The following NRXN3 variants were observed in gnomAD, a reference collection of about 807,000 sequenced individuals.
NRXN3 encodes the protein neurexin III.
Under a neutral mutation model 137.6 loss-of-function variants are expected in NRXN3, and 32 were observed. That is an observed-to-expected ratio of 0.23 (90% CI 0.18 to 0.31). The LOEUF (loss-of-function observed/expected upper bound fraction) is 0.31. NRXN3 is among the 10% of genes least tolerant of loss of function. The pLI, the probability that NRXN3 is intolerant of heterozygous loss-of-function variation, is 1.00. For synonymous variants in NRXN3, 798 were observed against 784.5 expected (o/e 1.02, Z -0.29); for missense variants, 1,574 against 2,062.5 (o/e 0.76, Z 4.59).
chr14:78,845,846 C>T (rs546234186), intron 10 of NRXN3, among the ~76,000 whole-genome samples: 1 of 151,172 alleles, frequency 6.6e-6, no homozygotes, highest in African/African-American at 2.4e-5. Context: ...TTACCTTAGG[C>T]TATTAAAAGA....
At chr14:78,332,768 C>A (rs532540377) in intron 4 of NRXN3, among the ~76,000 whole-genome samples, 4 of 152,088 alleles carry the variant, frequency 2.6e-5, no homozygotes, top group Non-Finnish European at 5.9e-5. Context: ...TTAAAGGAAT[C>A]GATATCTAAT....
intron 17 of NRXN3, among the ~76,000 whole-genome samples, chr14:79,675,685 T>C (rs1435374834): frequency 1.3e-5 from 2 of 152,032 alleles, no homozygotes; most frequent in Non-Finnish European, 2.9e-5. Flanking sequence ...AATAAAGAGA[T>C]ACAATATGTA....
intron 19 of NRXN3, among the ~76,000 whole-genome samples, chr14:79,764,575 C>T (rs2099049931): frequency 6.6e-6 from 1 of 152,148 alleles, no homozygotes; most frequent in African/African-American, 2.4e-5. Flanking sequence ...TTAAGGTCAC[C>T]TAATAAACCG....
chr14:79,858,160 T>A (rs200467397), intron 20 of NRXN3, among the ~76,000 whole-genome samples: 16 of 150,972 alleles, frequency 1.1e-4, no homozygotes, highest in Non-Finnish European at 1.6e-4. Flanking sequence ...TTTTTTTTTT[T>A]AAATCTAAGA....
At chr14:79,388,660 ATATCCC>A (rs2094730334) in intron 15 of NRXN3, among the ~76,000 whole-genome samples, 4 of 152,058 alleles carry the variant, frequency 2.6e-5, no homozygotes, top group African/African-American at 7.2e-5. Flanking sequence ...CCAGTTCATC[ATATCCC>A]TTACCCAGGC....
intron 1 of NRXN3, among the ~76,000 whole-genome samples, chr14:78,181,520 TG>T (rs2059805516): frequency 6.6e-6 from 1 of 152,248 alleles, no homozygotes; most frequent in African/African-American, 2.4e-5. Context: ...AAAGCTGGTT[TG>T]CCTGGCCTGG....
intron 8 of NRXN3, among the ~76,000 whole-genome samples, chr14:78,797,320 A>G (rs2098825015): frequency 6.6e-6 from 1 of 152,224 alleles, no homozygotes; most frequent in East Asian, 1.9e-4. Flanking sequence ...TTCAATAAAA[A>G]ATTAGGAGAA....
chr14:78,200,096 A>C (rs2061546426), intron 1 of NRXN3, among the ~76,000 whole-genome samples: 1 of 152,200 alleles, frequency 6.6e-6, no homozygotes, highest in Non-Finnish European at 1.5e-5. Context: ...GGTGCATCTC[A>C]GGAATAGTTT....
At position 79,539,353 on chromosome 14, in the gene NRXN3, C is replaced by T. The variant is rs542835857; in HGVS notation, c.3444+71951C>T. ...AGATTTTAAACCTAGCATTCTTGCT[C>T]CAGAATTCATGCTGTTAATCACTGC... On this transcript the variant is annotated intron_variant, in intron 16 of 20. Coordinates refer to ENST00000335750, the MANE Select transcript of NRXN3 (RefSeq NM_001330195.2). 1.2e-4 allele frequency among the ~76,000 whole-genome samples: 19 copies of T among 152,228 alleles called. No homozygotes were observed. In the South Asian group the frequency reaches 3.7e-3, roughly 30 times the overall value.
intron 6 of NRXN3, among the ~76,000 whole-genome samples, chr14:78,672,649 C>T (rs2097949028): frequency 6.6e-6 from 1 of 152,136 alleles, no homozygotes; most frequent in Non-Finnish European, 1.5e-5. Context: ...ATTGGTCACG[C>T]CCACAGGACT....
chr14:79,317,958 T>A (rs1407902668), intron 15 of NRXN3, among the ~76,000 whole-genome samples: 8 of 152,128 alleles, frequency 5.3e-5, no homozygotes, highest in Non-Finnish European at 1.0e-4. Context: ...TGTAAGAGCA[T>A]GAAATATTAA....
intron 19 of NRXN3, among the ~76,000 whole-genome samples, chr14:79,718,254 T>C (rs1297817710): frequency 2.0e-5 from 3 of 151,960 alleles, no homozygotes; most frequent in Admixed American, 1.3e-4. Context: ...GAGGGAACGG[T>C]TAGTGTAAAG....
chr14:78,498,552 G>A (rs994355409), intron 4 of NRXN3, among the ~76,000 whole-genome samples: 2 of 152,104 alleles, frequency 1.3e-5, no homozygotes, highest in Non-Finnish European at 2.9e-5. Flanking sequence ...CACCTGGTTG[G>A]GGGTAGGGAT....
chr14:78,819,820 G>T (rs555645106), intron 10 of NRXN3, among the ~76,000 whole-genome samples: 48 of 152,264 alleles, frequency 3.2e-4, no homozygotes, highest in African/African-American at 1.1e-3. Flanking sequence ...ATCAGAAGCA[G>T]CCAACAAATT....
intron 19 of NRXN3, among the ~76,000 whole-genome samples, chr14:79,753,724 AAT>A (rs1201485349): frequency 6.6e-6 from 1 of 151,690 alleles, no homozygotes; most frequent in African/African-American, 2.4e-5. Context: ...GTATAATAAT[AAT>A]AATAATAATA....
chr14:78,390,994 C>T (rs1296970238), intron 4 of NRXN3, among the ~76,000 whole-genome samples: 2 of 152,194 alleles, frequency 1.3e-5, no homozygotes, highest in African/African-American at 4.8e-5. Flanking sequence ...CATGTGTTCT[C>T]ATTCTTCAGC....
At chr14:79,481,641 C>CCACT (rs1186099140) in intron 16 of NRXN3, among the ~76,000 whole-genome samples, 1 of 152,198 alleles carries the variant, frequency 6.6e-6, no homozygotes, top group Non-Finnish European at 1.5e-5. Context: ...TTCTGTTTGT[C>CCACT]CACTGCCCAG....
chr14:78,657,062 A>G (rs1015904746), intron 6 of NRXN3, among the ~76,000 whole-genome samples: 1 of 150,864 alleles, frequency 6.6e-6, no homozygotes, highest in Non-Finnish European at 1.5e-5. Context: ...AAAAAAAAAA[A>G]AAAAAAAAAA....
rs569563187 is a variant in NRXN3 at position 79,222,698 on chromosome 14, G to A, written c.3262+234557G>A. Among the ~76,000 whole-genome samples, 6 of 151,794 alleles carry A rather than the reference G, an allele frequency of 4.0e-5. No individual in the cohort carries two copies. In the East Asian group the frequency reaches 9.7e-4, roughly 25 times the overall value. On this transcript the variant is annotated intron_variant, in intron 15 of 20. Transcript: ENST00000335750. The stretch of plus-strand genomic sequence containing the variant: ...TCTTTACCAGCATTTAATATTGTCA[G>A]TGTTTTAAATATGGACCATACTAAT...
Sources: allele counts gnomAD v4.1 joint callset (sites outside exome capture counted in the v4.1 genomes callset), GRCh38; gene constraint gnomAD v4.1.1; transcripts MANE v1.5; gene names NCBI Gene and HGNC (gene_info 2026-07-23, HGNC 2026-07-21).